SORBS2: variants seen among roughly 807,000 people sequenced by gnomAD.
SORBS2 encodes sorbin and SH3 domain containing 2, also known as sorbin and SH3 domain-containing protein 2.
SORBS2 carries 46 observed loss-of-function variants against 97.7 expected under a neutral mutation model. The ratio of observed to expected loss-of-function variants is 0.47; its 90% CI spans 0.37 to 0.60. The LOEUF is 0.60. Among genes scored for constraint, SORBS2 ranks in the 20% least tolerant of loss-of-function variants. SORBS2 has a pLI of 0.00. For missense variants in SORBS2, 1,316 were observed against 1,282.3 expected, an observed-to-expected ratio of 1.03 and a Z score of -0.40; for synonymous variants, 476 against 473.4, an observed-to-expected ratio of 1.01 and a Z score of -0.07.
chr4:185,747,418 G>A (rs1381807955), intron 2 of SORBS2, among the ~76,000 whole-genome samples: 3 of 152,260 alleles, frequency 2.0e-5, no homozygotes, highest in Non-Finnish European at 4.4e-5. Context: ...AAACGCTTGA[G>A]TGTAAGCATT....
chr4:185,636,292 T>C lies in SORBS2; in HGVS notation c.397-5694A>G, dbSNP rs187600963. Among the ~76,000 whole-genome samples, 437 of 152,358 alleles carry C rather than the reference T, an allele frequency of 2.9e-3. 4 individuals carry two copies. The highest frequency in any genetic ancestry group is 0.01 in the African/African-American group (426 of 41,582). Reference sequence around the variant, plus strand: ...AAAAAATGAGAGAAAACATTCCTCCTATGAGATAATAACCCTAAGAAAAAT... The same window carrying C: ...AAAAAATGAGAGAAAACATTCCTCCCATGAGATAATAACCCTAAGAAAAAT... On this transcript the variant is annotated intron_variant, in intron 4 of 14. Transcript: ENST00000418609.
At chr4:185,889,940 G>A (rs111669394) in intron 1 of SORBS2, among the ~76,000 whole-genome samples, 10,678 of 152,122 alleles carry the variant, frequency 0.07, 487 homozygotes, top group Non-Finnish European at 0.096. Context: ...AGGCTGGAGT[G>A]CAATGGTGCG....
exon 1 of SORBS2, chr4:185,656,902 G>C: frequency 8.0e-7 from 1 of 1,252,180 alleles, no homozygotes. Context: ...TTTTTCTTCA[G>C]ACAGCTTTTC....
chr4:185,699,284 C>CTTTTTT (rs11435144), intron 2 of SORBS2, among the ~76,000 whole-genome samples: 10 of 112,572 alleles, frequency 8.9e-5, no homozygotes, highest in Non-Finnish European at 1.6e-4. Flanking sequence ...TGAAATGTAC[C>CTTTTTT]TTTTTTTTTT....
At chr4:185,713,091 C>T (rs1331043692) in intron 2 of SORBS2, among the ~76,000 whole-genome samples, 2 of 152,126 alleles carry the variant, frequency 1.3e-5, no homozygotes, top group Non-Finnish European at 2.9e-5. Flanking sequence ...CCTCCCATCT[C>T]CCCTCCTTTG....
At chr4:185,833,787 T>C (rs1418127255) in intron 1 of SORBS2, among the ~76,000 whole-genome samples, 1 of 152,174 alleles carries the variant, frequency 6.6e-6, no homozygotes, top group Non-Finnish European at 1.5e-5. Context: ...TTTCAGTTAA[T>C]ACAAAAATGA....
intron 12 of SORBS2, among the ~76,000 whole-genome samples, chr4:185,611,085 A>G (rs2096530744): frequency 6.6e-6 from 1 of 152,146 alleles, no homozygotes; most frequent in South Asian, 2.1e-4. Context: ...AGCCCGCTCA[A>G]GTGAAACAGT....
intron 2 of SORBS2, among the ~76,000 whole-genome samples, chr4:185,762,133 C>T (rs1014381235): frequency 3.9e-5 from 6 of 152,086 alleles, no homozygotes; most frequent in African/African-American, 7.2e-5. Flanking sequence ...ATATTGAAGA[C>T]GTGTATGTAA....
chr4:185,776,733 T>TAA (rs71593655), intron 1 of SORBS2, among the ~76,000 whole-genome samples: 2 of 151,072 alleles, frequency 1.3e-5, no homozygotes, highest in Non-Finnish European at 3.0e-5. Context: ...ACCCCATCTC[T>TAA]AAAAAAAATG....
Position 185,619,969 on chromosome 4 carries a change from C to T in SORBS2, c.2304+94G>A, listed in dbSNP as rs2096690887. The stretch of plus-strand genomic sequence containing the variant: ...TTCTCAGTATTTTCACATTTCCTGT[C>T]CGAGTTCGTTACTGGTTTGGGATAA... On this transcript the variant is annotated intron_variant, in intron 8 of 14. Transcript: ENST00000418609. The T allele has an allele frequency of 6.2e-6, 5 of 801,640 alleles. No individual in the cohort carries two copies. The Admixed American group carries it at 8.8e-5, about 14-fold the overall frequency. The allele number at this position is 801,640 out of a possible 1,614,324, so 49.7% of individuals were successfully genotyped here. A position where few individuals can be genotyped will look rare whatever the true frequency, so the allele number is the denominator to read the frequency against.
At chr4:185,883,601 C>T (rs1034279460) in intron 1 of SORBS2, among the ~76,000 whole-genome samples, 3 of 152,184 alleles carry the variant, frequency 2.0e-5, no homozygotes, top group African/African-American at 7.2e-5. Flanking sequence ...AAACTAGAAA[C>T]AACTCAAATG....
chr4:185,934,356 C>T (rs965775470), intron 1 of SORBS2, among the ~76,000 whole-genome samples: 2 of 152,146 alleles, frequency 1.3e-5, no homozygotes, highest in African/African-American at 4.8e-5. Context: ...CTTGCACTCA[C>T]CAGTGAAACA....
chr4:185,762,910 C>T (rs929425497), intron 2 of SORBS2, among the ~76,000 whole-genome samples: 18 of 152,238 alleles, frequency 1.2e-4, no homozygotes, highest in African/African-American at 4.1e-4. Context: ...CAGGTGAGGT[C>T]GGGCGTGGTG....
At chr4:185,826,709 T>C (rs1434886159) in intron 1 of SORBS2, among the ~76,000 whole-genome samples, 1 of 152,224 alleles carries the variant, frequency 6.6e-6, no homozygotes, top group Non-Finnish European at 1.5e-5. Context: ...ATTCAACAAA[T>C]GTTTTTCCTG....
chr4:185,660,394 C>T (rs2097497653), upstream of SORBS2, among the ~76,000 whole-genome samples: 1 of 152,190 alleles, frequency 6.6e-6, no homozygotes, highest in East Asian at 1.9e-4. Context: ...TCCATTATAA[C>T]ACCACACTAT....
chr4:185,863,212 T>A (rs958613688), intron 1 of SORBS2, among the ~76,000 whole-genome samples: 2 of 152,214 alleles, frequency 1.3e-5, no homozygotes, highest in African/African-American at 4.8e-5. Context: ...ATAGGAATGA[T>A]GGGATCTGCC....
intron 2 of SORBS2, among the ~76,000 whole-genome samples, chr4:185,682,059 C>T (rs1039200503): frequency 3.3e-5 from 5 of 152,096 alleles, no homozygotes; most frequent in Non-Finnish European, 7.4e-5. Context: ...TACTGTGTTT[C>T]TATGTACAAT....
At chr4:185,590,780 T>C (rs1580403503) in intron 13 of SORBS2, among the ~76,000 whole-genome samples, 1 of 152,190 alleles carries the variant, frequency 6.6e-6, no homozygotes, top group East Asian at 1.9e-4. Flanking sequence ...GAAATTACTG[T>C]AGCTGAGAAG....
intron 2 of SORBS2, among the ~76,000 whole-genome samples, chr4:185,746,597 T>C (rs561425744): frequency 6.6e-6 from 1 of 152,244 alleles, no homozygotes; most frequent in East Asian, 1.9e-4. Context: ...GGATTACAGG[T>C]GTGGGCCACC....
Sources: gnomAD v4.1 joint callset for allele counts (sites outside exome capture counted in the v4.1 genomes callset) on GRCh38, gnomAD v4.1.1 for gene constraint, MANE v1.5 for transcripts, NCBI Gene and HGNC (gene_info 2026-07-23, HGNC 2026-07-21) for gene names.